Variants in UTRN observed in about 807,000 individuals in gnomAD.
The protein encoded by UTRN is utrophin.
UTRN carries 283 observed loss-of-function variants against 463.9 expected under a neutral mutation model. The ratio of observed to expected loss-of-function variants is 0.61; its 90% CI spans 0.55 to 0.67. The LOEUF (loss-of-function observed/expected upper bound fraction) is 0.67, where lower values mean the gene tolerates loss of function less well. Ranked by LOEUF, UTRN falls within the 30% of genes least tolerant of loss-of-function variation. The pLI, the probability that UTRN is intolerant of heterozygous loss-of-function variation, is 0.00. For synonymous variants in UTRN, 1,442 were observed against 1,431.5 expected (o/e 1.01, Z -0.17); for missense variants, 3,922 against 4,084.3 (o/e 0.96, Z 1.08).
At chr6:144,532,289 A>G (rs1321309541) in intron 42 of UTRN, among the ~76,000 whole-genome samples, 1 of 152,226 alleles carries the variant, frequency 6.6e-6, no homozygotes, top group Non-Finnish European at 1.5e-5. Flanking sequence ...TGCTGCTAAT[A>G]AAGACATACC....
At chr6:144,777,710 A>G (rs1445060096) in intron 60 of UTRN, among the ~76,000 whole-genome samples, 2 of 152,244 alleles carry the variant, frequency 1.3e-5, no homozygotes, top group African/African-American at 2.4e-5. Context: ...GAGTCCTCTC[A>G]TTATGAAGAA....
intron 2 of UTRN, among the ~76,000 whole-genome samples, chr6:144,332,866 C>T (rs1008614344): frequency 3.3e-5 from 5 of 151,856 alleles, no homozygotes; most frequent in African/African-American, 1.2e-4. Context: ...AACCTTTCAA[C>T]TTACGTAATC....
intron 53 of UTRN, among the ~76,000 whole-genome samples, chr6:144,713,645 G>A (rs1020926948): frequency 5.6e-4 from 84 of 149,882 alleles, no homozygotes; most frequent in African/African-American, 1.8e-3. Context: ...AAAAAGCAGG[G>A]TGCAGTGGCT....
At chr6:144,593,859 G>C (rs1803369318) in intron 51 of UTRN, among the ~76,000 whole-genome samples, 1 of 152,064 alleles carries the variant, frequency 6.6e-6, no homozygotes, top group Non-Finnish European at 1.5e-5. Flanking sequence ...ATTTTCAAAG[G>C]AAAAATATTT....
intron 2 of UTRN, among the ~76,000 whole-genome samples, chr6:144,343,402 ACACACAC>A (rs1777300725): frequency 7.1e-6 from 1 of 141,138 alleles, no homozygotes; most frequent in Admixed American, 7.3e-5. Flanking sequence ...ACACACACAC[ACACACAC>A]AATAGCCGGG....
At chr6:144,844,510 C>T (rs1199296506) in intron 73 of UTRN, among the ~76,000 whole-genome samples, 1 of 152,096 alleles carries the variant, frequency 6.6e-6, no homozygotes, top group Non-Finnish European at 1.5e-5. Flanking sequence ...CTCAAGTGAC[C>T]CACCCACCCT....
At chr6:144,797,597 G>T in intron 63 of UTRN, 1 of 412,890 alleles carries the variant, frequency 2.4e-6, no homozygotes, top group Non-Finnish European at 4.2e-6. Context: ...TTGAAGTCTT[G>T]GTATTTTTTT....
At position 144,822,612 on chromosome 6, in the gene UTRN, G is replaced by A. The variant is rs1258136833; in HGVS notation, c.9494+1594G>A. Among the ~76,000 whole-genome samples, 4 of 152,190 alleles carry A rather than the reference G, an allele frequency of 2.6e-5. No homozygotes were observed. In the East Asian group the frequency reaches 5.8e-4, roughly 22 times the overall value. ...AATTTCAATTGAAAGAGAGCTGTTC[G>A]AATACATTCAGGAACAGTAGACTTT... On this transcript the variant is annotated intron_variant, in intron 66 of 74. Transcript: ENST00000367545.
At chr6:144,606,009 T>G (rs903943781) in intron 51 of UTRN, among the ~76,000 whole-genome samples, 5 of 152,326 alleles carry the variant, frequency 3.3e-5, no homozygotes, top group African/African-American at 9.6e-5. Context: ...AGTATATGTT[T>G]TGTGATTTTT....
intron 56 of UTRN, among the ~76,000 whole-genome samples, chr6:144,753,217 G>A (rs1227321655): frequency 3.9e-5 from 6 of 152,134 alleles, no homozygotes; most frequent in Non-Finnish European, 4.4e-5. Flanking sequence ...AAAAGGAAAT[G>A]GAAATGTCAG....
At position 144,286,031 on chromosome 6, in the gene UTRN, G is replaced by C. The variant is rs967678429; in HGVS notation, c.-93+210G>C. On this transcript the variant is annotated intron_variant, in intron 1 of 74. Coordinates refer to ENST00000367545, the MANE Select transcript of UTRN (RefSeq NM_007124.3). The surrounding 1 kb of genome is among the most constrained non-coding windows in gnomAD (Gnocchi z 4.4). ...GCCTCAGTTTAGCTCCCCGCGGTGC[G>C]AGAGAGAATGCCGGAGGCGTGGAGA... Among the ~76,000 whole-genome samples the C allele has an allele frequency of 1.3e-5, 2 of 152,212 alleles. No individual in the cohort carries two copies. Among genetic ancestry groups the C allele is most frequent in the African/African-American group, 4.8e-5 (2 of 41,462 alleles).
chr6:144,372,419 A>T (rs946972411), intron 2 of UTRN, among the ~76,000 whole-genome samples: 12 of 152,238 alleles, frequency 7.9e-5, no homozygotes, highest in African/African-American at 2.9e-4. Context: ...AGTCCAGAGG[A>T]TGGGAGAAAA....
intron 58 of UTRN, among the ~76,000 whole-genome samples, chr6:144,766,286 G>A (rs969240361): frequency 6.6e-6 from 1 of 151,778 alleles, no homozygotes; most frequent in Non-Finnish European, 1.5e-5. Context: ...TCTTTAAGAA[G>A]GTGTTACTCA....
chr6:144,625,233 C>G (rs1192943816), intron 51 of UTRN, among the ~76,000 whole-genome samples: 1 of 152,198 alleles, frequency 6.6e-6, no homozygotes, highest in Non-Finnish European at 1.5e-5. Flanking sequence ...TTCTGTAATT[C>G]TAGGTCAACA....
intron 58 of UTRN, among the ~76,000 whole-genome samples, chr6:144,769,843 G>A (rs925254768): frequency 4.6e-5 from 7 of 152,238 alleles, no homozygotes; most frequent in Admixed American, 1.3e-4. Flanking sequence ...AGCCCATGAT[G>A]CCTTACTGGA....
chr6:144,571,802 T>G (rs1315194078), intron 50 of UTRN, among the ~76,000 whole-genome samples: 1 of 152,182 alleles, frequency 6.6e-6, no homozygotes, highest in African/African-American at 2.4e-5. Flanking sequence ...TCCCACATTT[T>G]CCAGTGACCT....
At chr6:144,546,843 C>G (rs773377484) in intron 46 of UTRN, among the ~76,000 whole-genome samples, 1 of 151,332 alleles carries the variant, frequency 6.6e-6, no homozygotes, top group Admixed American at 6.6e-5. Context: ...AACAAACAAA[C>G]AACTCTGTTT....
intron 58 of UTRN, among the ~76,000 whole-genome samples, chr6:144,770,038 G>A (rs767123827): frequency 2.0e-5 from 3 of 152,170 alleles, no homozygotes; most frequent in Non-Finnish European, 2.9e-5. Flanking sequence ...CCATCAAACC[G>A]AAAGGGTGGA....
Position 144,730,430 on chromosome 6 carries a change from C to G in UTRN, c.7883C>G (p.Ala2628Gly). 1 of 1,611,406 alleles carries G rather than the reference C, an allele frequency of 6.2e-7. No individual in the cohort carries two copies. The highest frequency in any genetic ancestry group is 8.5e-7 in the Non-Finnish European group (1 of 1,178,628). The change falls in exon 54 of 75, where the codon GCT (alanine) becomes GGT (glycine). Residue 2628 changes from alanine (A) to glycine (G), a missense_variant. Physicochemically the swap from Ala to Gly is moderately conservative, Grantham distance 60. This residue lies in a region of UTRN where 1,309 missense variants were observed against 1,452.6 expected (regional missense o/e 0.90). Coordinates refer to ENST00000367545, the MANE Select transcript of UTRN (RefSeq NM_007124.3). Reference sequence around the variant, plus strand: ...GTCGACCAGGCCCGAGTTTTCTTGGCTGATCAGCCAATTGAGGCCCCTGAA... The same window carrying G: ...GTCGACCAGGCCCGAGTTTTCTTGGGTGATCAGCCAATTGAGGCCCCTGAA... Reference protein sequence around the residue: ...NAVDQARVFLADQPIEAPEEP... With the variant: ...NAVDQARVFLGDQPIEAPEEP...
Sources: allele counts gnomAD v4.1 joint callset (sites outside exome capture counted in the v4.1 genomes callset), GRCh38; gene constraint gnomAD v4.1.1; regional missense constraint gnomAD v4.1.1; non-coding constraint Gnocchi (gnomAD v3.1); transcripts MANE v1.5; gene names NCBI Gene and HGNC (gene_info 2026-07-23, HGNC 2026-07-21).